Variants in PRMT8 observed in about 807,000 individuals in gnomAD.
The protein encoded by PRMT8 is protein arginine methyltransferase 8.
In PRMT8, 7 loss-of-function variants were observed where a neutral mutation model predicts 47.1. The ratio of observed to expected loss-of-function variants is 0.15; its 90% CI spans 0.08 to 0.28. PRMT8 has a LOEUF of 0.28. Among genes scored for constraint, PRMT8 ranks in the 10% least tolerant of loss-of-function variants. PRMT8 has a pLI of 1.00. For synonymous variants in PRMT8, 188 were observed against 186.5 expected, an observed-to-expected ratio of 1.01 and a Z score of -0.07; for missense variants, 237 against 505.4, an observed-to-expected ratio of 0.47 and a Z score of 5.09.
intron 1 of PRMT8, among the ~76,000 whole-genome samples, chr12:3,482,683 T>TG: frequency 6.6e-6 from 1 of 152,132 alleles, no homozygotes; most frequent in South Asian, 2.1e-4. Flanking sequence ...GGCTGGGGTG[T>TG]CCTTTTTACA....
intron 1 of PRMT8, among the ~76,000 whole-genome samples, chr12:3,439,757 G>A (rs1355620846): frequency 1.3e-5 from 2 of 152,136 alleles, no homozygotes; most frequent in East Asian, 1.9e-4. Flanking sequence ...TTAACCTAAC[G>A]GGAACCACAG....
chr12:3,455,085 A>G (rs1214184791), intron 1 of PRMT8, among the ~76,000 whole-genome samples: 1 of 151,928 alleles, frequency 6.6e-6, no homozygotes, highest in Non-Finnish European at 1.5e-5. Flanking sequence ...ATCCTGGGGG[A>G]GATGGAGTTT....
intron 1 of PRMT8, among the ~76,000 whole-genome samples, chr12:3,398,371 G>A (rs756124785): frequency 1.3e-5 from 2 of 152,174 alleles, no homozygotes; most frequent in Non-Finnish European, 2.9e-5. Context: ...CGCCAAAAAT[G>A]GTGCTGTGTA....
intron 1 of PRMT8, among the ~76,000 whole-genome samples, chr12:3,496,212 A>ATTTTTT (rs1444249290): frequency 0.013 from 256 of 19,300 alleles, 7 homozygotes; most frequent in Non-Finnish European, 0.016. Flanking sequence ...ATATATATAT[A>ATTTTTT]TATTTTTTTT....
At chr12:3,405,965 T>A (rs1864369165) in intron 1 of PRMT8, among the ~76,000 whole-genome samples, 2 of 152,264 alleles carry the variant, frequency 1.3e-5, no homozygotes, top group South Asian at 4.1e-4. Context: ...CCTATTTTCC[T>A]TCTGTACTGC....
intron 1 of PRMT8, among the ~76,000 whole-genome samples, chr12:3,444,308 C>T (rs984228484): frequency 6.6e-6 from 1 of 152,164 alleles, no homozygotes; most frequent in African/African-American, 2.4e-5. Flanking sequence ...TCTGACTCTG[C>T]CGCCTTGCTT....
chr12:3,491,209 CCCAG>C lies in PRMT8; in HGVS notation c.-415_-412del. 2 of 997,350 alleles carry C rather than the reference CCCAG, an allele frequency of 2.0e-6. No individual in the cohort carries two copies. Among genetic ancestry groups the C allele is most frequent in the Non-Finnish European group, 2.4e-6 (2 of 837,850 alleles). 61.8% of individuals were successfully genotyped at this position (997,350 alleles called of 1,614,324 possible). On this transcript the variant is annotated 5_prime_UTR_variant, in exon 1 of 10. Coordinates refer to ENST00000382622, the MANE Select transcript of PRMT8 (RefSeq NM_019854.5). ...GACGCGCAGGAAGCGTGTTGCTTCGCCCAGCGGATCGGCAGAAGTTGAGAGGAGT... is the reference window on the plus strand; with the variant it reads ...GACGCGCAGGAAGCGTGTTGCTTCGCCGGATCGGCAGAAGTTGAGAGGAGT...
Position 3,492,905 on chromosome 12 carries a change from G to A in PRMT8, c.75+1205G>A, listed in dbSNP as rs536382422. The stretch of plus-strand genomic sequence containing the variant: ...CACATATGGTTACCCATATGCAGCG[G>A]GGGGCGGGGATGGGGGTGTGGCGCG... On this transcript the variant is annotated intron_variant, in intron 1 of 9. Coordinates refer to ENST00000382622, the MANE Select transcript of PRMT8 (RefSeq NM_019854.5). This position sits in a 1 kb window ranked among gnomAD's most constrained non-coding sequence, Gnocchi z 7.5. Among the ~76,000 whole-genome samples the A allele has an allele frequency of 6.6e-6, 1 of 152,212 alleles. No individual in the cohort carries two copies. The highest frequency in any genetic ancestry group is 2.1e-4 in the South Asian group (1 of 4,816).
chr12:3,450,562 T>G (rs1864905591), intron 1 of PRMT8, among the ~76,000 whole-genome samples: 1 of 152,238 alleles, frequency 6.6e-6, no homozygotes, highest in South Asian at 2.1e-4. Flanking sequence ...ATGGCTCACT[T>G]AATTTTGAGA....
chr12:3,408,176 C>T (rs1327286684), intron 1 of PRMT8, among the ~76,000 whole-genome samples: 1 of 144,792 alleles, frequency 6.9e-6, no homozygotes, highest in Non-Finnish European at 1.5e-5. Context: ...TCTTTCTTTC[C>T]TTCCTTCCTT....
At chr12:3,419,294 G>A (rs958253231) in intron 1 of PRMT8, among the ~76,000 whole-genome samples, 2 of 152,214 alleles carry the variant, frequency 1.3e-5, no homozygotes, top group African/African-American at 4.8e-5. Flanking sequence ...AATACCCAGT[G>A]AGGAAGGCGG....
rs377153049 is a variant in PRMT8, at chr12:3,556,784, G to A, written c.481+3070G>A. Among the ~76,000 whole-genome samples the A allele has an allele frequency of 4.3e-4, 66 of 152,368 alleles. 1 individual carries two copies. Among genetic ancestry groups the A allele is most frequent in the African/African-American group, 1.2e-3 (51 of 41,592 alleles). On this transcript the variant is annotated intron_variant, in intron 4 of 9. Transcript: ENST00000382622. Reference sequence around the variant, plus strand: ...GTAAATTCAGCAGCAAAGACCTTGAGAAGGTAAGGTGTGTGTGTCAGGGGT... The same window carrying A: ...GTAAATTCAGCAGCAAAGACCTTGAAAAGGTAAGGTGTGTGTGTCAGGGGT...
intron 1 of PRMT8, among the ~76,000 whole-genome samples, chr12:3,392,534 C>T (rs1864203577): frequency 1.3e-5 from 2 of 151,546 alleles, no homozygotes; most frequent in South Asian, 4.2e-4. Flanking sequence ...CTACAAAGGA[C>T]ATGAACTCAT....
At chr12:3,579,917 C>A (rs1284402770) in intron 7 of PRMT8, among the ~76,000 whole-genome samples, 1 of 152,100 alleles carries the variant, frequency 6.6e-6, no homozygotes, top group Non-Finnish European at 1.5e-5. Flanking sequence ...GTCAGTGGGT[C>A]TCCCTGGGGT....
intron 1 of PRMT8, 130 bp downstream of exon 1, chr12:3,491,830 TC>T (rs1373452459): frequency 4.4e-6 from 3 of 676,280 alleles, no homozygotes; most frequent in Non-Finnish European, 6.6e-6. Context: ...GCCGGCCTCC[TC>T]CTGTGTGTGT....
chr12:3,418,236 C>G (rs760533364), intron 1 of PRMT8, among the ~76,000 whole-genome samples: 3 of 152,222 alleles, frequency 2.0e-5, no homozygotes, highest in African/African-American at 7.2e-5. Flanking sequence ...CTCCATTTCT[C>G]AACTGCAAAC....
At chr12:3,455,647 C>A (rs762832784) in intron 1 of PRMT8, among the ~76,000 whole-genome samples, 4 of 152,148 alleles carry the variant, frequency 2.6e-5, no homozygotes, top group Non-Finnish European at 4.4e-5. Flanking sequence ...TGGCCAAGGA[C>A]CTTCACCTCC....
chr12:3,479,293 C>T (rs1447693642), intron 1 of PRMT8, among the ~76,000 whole-genome samples: 2 of 152,246 alleles, frequency 1.3e-5, no homozygotes, highest in Non-Finnish European at 2.9e-5. Flanking sequence ...TGAAACAGAG[C>T]CCCCTCGATC....
chr12:3,582,958 G>C (rs1867098089), intron 7 of PRMT8, 100 bp from the exon 8 acceptor site: 2 of 1,385,768 alleles, frequency 1.4e-6, no homozygotes, highest in Non-Finnish European at 2.0e-6. Flanking sequence ...CCCTCAGAGA[G>C]CTGACAGACC....
Sources: allele counts gnomAD v4.1 joint callset (sites outside exome capture counted in the v4.1 genomes callset), GRCh38; gene constraint gnomAD v4.1.1; non-coding constraint Gnocchi (gnomAD v3.1); transcripts MANE v1.5; gene names NCBI Gene and HGNC (gene_info 2026-07-23, HGNC 2026-07-21).